Variants in IFT140 observed in about 807,000 individuals in gnomAD.
The protein encoded by IFT140 is intraflagellar transport protein 140 homolog.
In IFT140, 133 loss-of-function variants were observed where a neutral mutation model predicts 164.6. The ratio of observed to expected loss-of-function variants is 0.81; its 90% CI spans 0.70 to 0.93. The LOEUF is 0.93. Ranked by LOEUF, IFT140 falls within the 40% of genes least tolerant of loss-of-function variation. The pLI, the probability that IFT140 is intolerant of heterozygous loss-of-function variation, is 0.00. For missense variants in IFT140, 2,045 were observed against 1,972.3 expected (o/e 1.04, Z -0.70); for synonymous variants, 860 against 817.3 (o/e 1.05, Z -0.89).
chr16:1,605,954 G>A (rs750635507), intron 3 of IFT140, among the ~76,000 whole-genome samples: 3 of 152,194 alleles, frequency 2.0e-5, no homozygotes. Context: ...AGGAAGAGGA[G>A]AAGAGACGCA....
chr16:1,525,782 T>A lies in IFT140; in HGVS notation c.2768+105A>T, dbSNP rs542664958. ...CTGCCACCACCCTGAGACAGACGCCTCCTCTAAGAACCTCCCTGGCCACCT... is the reference window on the plus strand; with the variant it reads ...CTGCCACCACCCTGAGACAGACGCCACCTCTAAGAACCTCCCTGGCCACCT... On this transcript the variant is annotated intron_variant, in intron 21 of 30. Coordinates refer to ENST00000426508, the MANE Select transcript of IFT140 (RefSeq NM_014714.4). The A allele has an allele frequency of 5.5e-4, 646 of 1,171,578 alleles. 2 individuals carry two copies. The highest frequency in any genetic ancestry group is 6.1e-4 in the Non-Finnish European group (529 of 864,450). 72.6% of individuals were successfully genotyped at this position (1,171,578 alleles called of 1,614,324 possible).
chr16:1,541,183 G>C (rs1389810647), intron 19 of IFT140: 1 of 985,304 alleles, frequency 1.0e-6, no homozygotes, highest in Non-Finnish European at 1.2e-6. Context: ...GACAGAGAAG[G>C]CTGGGCACAG....
At chr16:1,541,659 C>T (rs972733077) in intron 19 of IFT140, 3 of 327,840 alleles carry the variant, frequency 9.2e-6, no homozygotes, top group Non-Finnish European at 1.3e-5. Context: ...AGAGTAGGGC[C>T]CGTCCCTGCA....
chr16:1,581,473 G>A (rs1257988697), intron 12 of IFT140, among the ~76,000 whole-genome samples: 1 of 151,456 alleles, frequency 6.6e-6, no homozygotes, highest in Non-Finnish European at 1.5e-5. Flanking sequence ...TGTGGTGCAT[G>A]CCTGTAATCC....
intron 26 of IFT140, among the ~76,000 whole-genome samples, chr16:1,522,252 G>A (rs1409209752): frequency 6.6e-6 from 1 of 152,190 alleles, no homozygotes; most frequent in Non-Finnish European, 1.5e-5. Context: ...AGCTACTCGG[G>A]AGGCTGAGGC....
chr16:1,573,389 T>C (rs1395624895), intron 13 of IFT140, among the ~76,000 whole-genome samples: 1 of 151,966 alleles, frequency 6.6e-6, no homozygotes, highest in East Asian at 1.9e-4. Flanking sequence ...CTCTTTTACA[T>C]TCTTTAACAT....
intron 19 of IFT140, among the ~76,000 whole-genome samples, chr16:1,544,215 ACT>A (rs1374951396): frequency 1.6e-5 from 2 of 122,540 alleles, no homozygotes; most frequent in African/African-American, 6.3e-5. Context: ...ACGAAGTCTC[ACT>A]CTGTCACCCA....
intron 12 of IFT140, among the ~76,000 whole-genome samples, chr16:1,582,493 C>A (rs1244508708): frequency 2.6e-5 from 4 of 152,240 alleles, no homozygotes; most frequent in Admixed American, 6.5e-5. Context: ...CCTCTGGCCT[C>A]CAGAACTATG....
chr16:1,520,005 C>G lies in IFT140; in HGVS notation c.3916G>C (p.Ala1306Pro). ...EYQNYDKAHG[A>P]LTEAYKCLAK... ...AGGCACTTGTAGGCCTCGGTCAGCG[C>G]CCCGTGGGCTTTGTCGTAGTTCTGG... The change falls in exon 29 of 31, where the codon GCG becomes CCG. Residue 1306 changes from alanine (A) to proline (P), a missense_variant. Coordinates refer to ENST00000426508, the MANE Select transcript of IFT140 (RefSeq NM_014714.4). 6.2e-7 allele frequency: 1 copy of G among 1,603,012 alleles called. No individual in the cohort carries two copies.
At chr16:1,525,819 A>C in intron 21 of IFT140, 68 bp downstream of exon 21, 6 of 1,411,754 alleles carry the variant, frequency 4.3e-6, no homozygotes, top group Non-Finnish European at 5.6e-6. Context: ...ACCACAGCAC[A>C]CACAAGAGGC....
chr16:1,528,558 C>T (rs764464247), intron 19 of IFT140: 5 of 154,644 alleles, frequency 3.2e-5, no homozygotes, highest in Middle Eastern at 5.3e-4. Flanking sequence ...TGCACACACA[C>T]GCACACACAT....
chr16:1,583,526 G>A, intron 11 of IFT140, 140 bp from the exon 12 acceptor site: 2 of 639,424 alleles, frequency 3.1e-6, no homozygotes. Flanking sequence ...GAGATCACTG[G>A]GTCCTCTGTG....
chr16:1,536,492 T>G (rs1251684768), intron 19 of IFT140, among the ~76,000 whole-genome samples: 1 of 152,240 alleles, frequency 6.6e-6, no homozygotes, highest in Non-Finnish European at 1.5e-5. Context: ...TGCAGGTGGC[T>G]GACCCTCAGT....
chr16:1,556,204 C>G (rs978175192), intron 19 of IFT140, among the ~76,000 whole-genome samples: 3 of 152,260 alleles, frequency 2.0e-5, no homozygotes, highest in African/African-American at 7.2e-5. Context: ...GTCCAAACAA[C>G]CCCGTGTCCT....
Position 1,564,105 on chromosome 16 carries a change from C to T in IFT140, c.1959G>A (p.Trp653Ter), listed in dbSNP as rs770731272. 2.1e-5 allele frequency: 33 copies of T among 1,599,250 alleles called. No individual in the cohort carries two copies. The highest frequency in any genetic ancestry group is 2.7e-5 in the Non-Finnish European group (31 of 1,168,690). Reference protein sequence around the residue: ...LKNYVPVNHFWDQSEPRLFVC... With the variant: ...LKNYVPVNHF ...CAAACAGCCGGGGCTCACTCTGGTCCCAGAAGTGGTTCACGGGAACATAAT... is the reference window on the plus strand; with the variant it reads ...CAAACAGCCGGGGCTCACTCTGGTCTCAGAAGTGGTTCACGGGAACATAAT... The change falls in exon 17 of 31, where the codon TGG (tryptophan) becomes TGA (stop). Residue 653 changes from tryptophan to a stop codon, truncating the protein, a stop_gained. Transcript: ENST00000426508. LOFTEE classifies it high-confidence loss of function. This position sits in a 1 kb window ranked among gnomAD's most constrained non-coding sequence, Gnocchi z 5.5.
intron 20 of IFT140, 65 bp from the exon 21 acceptor site, chr16:1,526,142 C>T (rs146493279): frequency 2.5e-4 from 348 of 1,415,328 alleles, no homozygotes; most frequent in Admixed American, 1.5e-3. Flanking sequence ...ACACACTGTT[C>T]CACGCCAGGC....
intron 19 of IFT140, chr16:1,554,164 C>A (rs1474774557): frequency 7.4e-5 from 94 of 1,278,676 alleles, no homozygotes; most frequent in Non-Finnish European, 9.3e-5. Flanking sequence ...CTAGACAAGG[C>A]CCTGGCCCCA....
At chr16:1,583,849 A>G (rs149628990) in intron 11 of IFT140, among the ~76,000 whole-genome samples, 3,048 of 152,050 alleles carry the variant, frequency 0.02, 103 homozygotes, top group African/African-American at 0.069. Context: ...GGTTCAAGCG[A>G]TTCTCCTGCC....
At chr16:1,555,870 G>A (rs2033045763) in intron 19 of IFT140, among the ~76,000 whole-genome samples, 1 of 152,212 alleles carries the variant, frequency 6.6e-6, no homozygotes, top group African/African-American at 2.4e-5. Context: ...TTGGGAGGCT[G>A]AGGCGGGCAG....
Sources: allele counts gnomAD v4.1 joint callset (sites outside exome capture counted in the v4.1 genomes callset), GRCh38; gene constraint gnomAD v4.1.1; non-coding constraint Gnocchi (gnomAD v3.1); transcripts MANE v1.5; gene names NCBI Gene and HGNC (gene_info 2026-07-23, HGNC 2026-07-21).